Variants in RASSF2 observed in about 807,000 individuals in gnomAD.
The protein encoded by RASSF2 is ras association domain-containing protein 2.
RASSF2 carries 34 observed loss-of-function variants against 46.3 expected under a neutral mutation model. The ratio of observed to expected loss-of-function variants is 0.73; its 90% CI spans 0.56 to 0.98. The LOEUF is 0.98. Among genes scored for constraint, RASSF2 ranks in the 50% least tolerant of loss-of-function variants. RASSF2 has a pLI of 0.00. For missense variants in RASSF2, 364 were observed against 431.2 expected (o/e 0.84, Z 1.38); for synonymous variants, 158 against 162.5 (o/e 0.97, Z 0.21).
At chr20:4,808,650 C>T (rs1031012043) in intron 2 of RASSF2, among the ~76,000 whole-genome samples, 1 of 151,992 alleles carries the variant, frequency 6.6e-6, no homozygotes, top group Non-Finnish European at 1.5e-5. Flanking sequence ...CCATACCTGG[C>T]TAATTTTTTA....
intron 8 of RASSF2, among the ~76,000 whole-genome samples, chr20:4,788,714 T>C (rs1925583724): frequency 6.6e-6 from 1 of 152,156 alleles, no homozygotes. Flanking sequence ...AAAGGTACCA[T>C]AAAAAATGGA....
At chr20:4,818,468 C>T (rs1208611615) in intron 2 of RASSF2, among the ~76,000 whole-genome samples, 1 of 152,100 alleles carries the variant, frequency 6.6e-6, no homozygotes, top group Non-Finnish European at 1.5e-5. Flanking sequence ...AGTCATGGCC[C>T]GATGTGTGCT....
intron 2 of RASSF2, among the ~76,000 whole-genome samples, chr20:4,816,598 G>A (rs999414771): frequency 3.3e-5 from 5 of 152,066 alleles, no homozygotes; most frequent in South Asian, 2.1e-4. Context: ...ACTTAGAAAC[G>A]GTTAAAAGGG....
At chr20:4,785,216 G>A (rs1293168179) in intron 11 of RASSF2, among the ~76,000 whole-genome samples, 1 of 151,648 alleles carries the variant, frequency 6.6e-6, no homozygotes, top group Non-Finnish European at 1.5e-5. Context: ...GCGCATGCCT[G>A]TAATCCCAGC....
chr20:4,808,094 C>A (rs935356622), intron 2 of RASSF2, among the ~76,000 whole-genome samples: 1 of 152,230 alleles, frequency 6.6e-6, no homozygotes, highest in Non-Finnish European at 1.5e-5. Flanking sequence ...GTTTGTGGAA[C>A]AGGAATGTGG....
At position 4,800,986 on chromosome 20, in the gene RASSF2, A is replaced by G. The variant is rs1317353354; in HGVS notation, c.45T>C (p.Asp15=). ...HQTSLVPCGQ[D]KYISKNELLL... is the part of the protein sequence containing the mutation. Reference sequence around the variant, plus strand: ...AAACGTCTTACTTGGAAATGTATTTATCTTGTCCACATGGGACTAGGGACG... The same window carrying G: ...AAACGTCTTACTTGGAAATGTATTTGTCTTGTCCACATGGGACTAGGGACG... The change falls in exon 3 of 12, where the codon GAT becomes GAC. Residue 15 remains aspartate (D), a synonymous_variant. Transcript: ENST00000379400. 3 of 1,612,298 alleles carry G rather than the reference A, an allele frequency of 1.9e-6. No homozygotes were observed. Among genetic ancestry groups the G allele is most frequent in the Middle Eastern group, 1.7e-4 (1 of 6,056 alleles).
rs750463148 is a variant in RASSF2, at chr20:4,801,081, G to C, written c.-32-19C>G. ...GAGAGGCCTACATTTGGAAGGAGAA[G>C]ACAGAGGTTAAAGTCAAGTTGTGTG... On this transcript the variant is annotated intron_variant, in intron 2 of 11. Coordinates refer to ENST00000379400, the MANE Select transcript of RASSF2 (RefSeq NM_014737.3). 1 of 1,597,006 alleles carries C rather than the reference G, an allele frequency of 6.3e-7. No individual in the cohort carries two copies. The highest frequency in any genetic ancestry group is 2.2e-5 in the East Asian group (1 of 44,812).
chr20:4,817,651 C>T (rs545999187), intron 2 of RASSF2, among the ~76,000 whole-genome samples: 1 of 152,276 alleles, frequency 6.6e-6, no homozygotes, highest in South Asian at 2.1e-4. Flanking sequence ...CTCCAGGCCT[C>T]CTCTGGAGAC....
chr20:4,807,626 T>C lies in RASSF2; in HGVS notation c.-32-6564A>G, dbSNP rs148240325. Among the ~76,000 whole-genome samples, 429 of 152,332 alleles carry C rather than the reference T, an allele frequency of 2.8e-3. 7 individuals are homozygous for C. In the East Asian group the frequency reaches 0.05, roughly 18 times the overall value. ...CATCAGATAGTCTGATGGCCCCGAC[T>C]GTGGGAATTTTCTAGGGCTCAGCCA... On this transcript the variant is annotated intron_variant, in intron 2 of 11. Coordinates refer to ENST00000379400, the MANE Select transcript of RASSF2 (RefSeq NM_014737.3).
chr20:4,805,310 C>T (rs894844347), intron 2 of RASSF2, among the ~76,000 whole-genome samples: 8 of 151,978 alleles, frequency 5.3e-5, no homozygotes, highest in African/African-American at 9.7e-5. Flanking sequence ...AGAGAGAAGG[C>T]GACGTGACAA....
At position 4,812,954 on chromosome 20, in the gene RASSF2, C is replaced by A. The variant is rs1208449346; in HGVS notation, c.-33+9375G>T. Among the ~76,000 whole-genome samples the A allele has an allele frequency of 1.3e-5, 2 of 152,114 alleles. No homozygotes were observed. Among genetic ancestry groups the A allele is most frequent in the Non-Finnish European group, 2.9e-5 (2 of 68,020 alleles). ...GGGGGATGGGAGGCGAGTGAGTGACCAGCCCAGAGGACAAGCTGTGGGAAA... is the reference window on the plus strand; with the variant it reads ...GGGGGATGGGAGGCGAGTGAGTGACAAGCCCAGAGGACAAGCTGTGGGAAA... On this transcript the variant is annotated intron_variant, in intron 2 of 11. Transcript: ENST00000379400. The surrounding 1 kb of genome is among the most constrained non-coding windows in gnomAD (Gnocchi z 4.0).
chr20:4,787,604 A>T (rs1428759615), intron 10 of RASSF2, 29 bp downstream of exon 10: 1 of 1,614,136 alleles, frequency 6.2e-7, no homozygotes, highest in Non-Finnish European at 8.5e-7. Flanking sequence ...CCTCCTGAGG[A>T]CAGATCGCCT....
chr20:4,806,736 C>T (rs2122604323), intron 2 of RASSF2, among the ~76,000 whole-genome samples: 1 of 152,326 alleles, frequency 6.6e-6, no homozygotes, highest in South Asian at 2.1e-4. Context: ...TGAGCCACTG[C>T]AGCCGGTCCA....
intron 2 of RASSF2, among the ~76,000 whole-genome samples, chr20:4,802,208 A>G (rs1331219651): frequency 3.9e-5 from 6 of 152,144 alleles, no homozygotes; most frequent in Admixed American, 3.9e-4. Context: ...AGTAGCTGGA[A>G]CTACAGGTGT....
intron 1 of RASSF2, among the ~76,000 whole-genome samples, chr20:4,823,093 G>T (rs142840758): frequency 0.03 from 4,506 of 152,286 alleles, 202 homozygotes; most frequent in African/African-American, 0.1. Flanking sequence ...CCTGGCGGGG[G>T]TCCGCGCGCC....
Position 4,804,150 on chromosome 20 carries a change from G to A in RASSF2, c.-32-3088C>T, listed in dbSNP as rs139601720. Among the ~76,000 whole-genome samples, 139 of 152,158 alleles carry A rather than the reference G, an allele frequency of 9.1e-4. 1 individual carries two copies. The highest frequency in any genetic ancestry group is 3.2e-3 in the African/African-American group (131 of 41,536). ...GTAACTTGTTACTGCCGGTTACCATGGGTGATTCCATTCAGAAAACTCAGA... is the reference window on the plus strand; with the variant it reads ...GTAACTTGTTACTGCCGGTTACCATAGGTGATTCCATTCAGAAAACTCAGA... On this transcript the variant is annotated intron_variant, in intron 2 of 11. Coordinates refer to ENST00000379400, the MANE Select transcript of RASSF2 (RefSeq NM_014737.3).
intron 1 of RASSF2, among the ~76,000 whole-genome samples, chr20:4,822,953 A>T (rs968199211): frequency 6.6e-6 from 1 of 151,926 alleles, no homozygotes; most frequent in Non-Finnish European, 1.5e-5. Context: ...ATGGGGTGGG[A>T]GCGCCTTCCC....
In RASSF2 at chr20:4,804,049, C is replaced by T. The variant is rs150590033; in HGVS notation, c.-32-2987G>A. On this transcript the variant is annotated intron_variant, in intron 2 of 11. Coordinates refer to ENST00000379400, the MANE Select transcript of RASSF2 (RefSeq NM_014737.3). ...CTCTAGCCTGGTCGACAGAGTAAGC[C>T]CATCTCAAAATAAATTCATTAAATT... 3.9e-3 allele frequency among the ~76,000 whole-genome samples: 590 copies of T among 151,896 alleles called. 2 individuals are homozygous for T. Among genetic ancestry groups the T allele is most frequent in the African/African-American group, 0.014 (567 of 41,436 alleles).
At chr20:4,802,912 A>T (rs1173808393) in intron 2 of RASSF2, among the ~76,000 whole-genome samples, 4,043 of 59,964 alleles carry the variant, frequency 0.067, 199 homozygotes, top group African/African-American at 0.15. Flanking sequence ...ATATATATAT[A>T]TATTTTTTTT....
Sources: gnomAD v4.1 joint callset for allele counts (sites outside exome capture counted in the v4.1 genomes callset) on GRCh38, gnomAD v4.1.1 for gene constraint, Gnocchi (gnomAD v3.1) non-coding constraint, MANE v1.5 for transcripts, NCBI Gene and HGNC (gene_info 2026-07-23, HGNC 2026-07-21) for gene names.